HECTD2: variants seen among roughly 807,000 people sequenced by gnomAD.
HECTD2 encodes probable E3 ubiquitin-protein ligase HECTD2.
HECTD2 carries 35 observed loss-of-function variants against 103.2 expected under a neutral mutation model. That is an observed-to-expected ratio of 0.34 (90% confidence interval 0.26 to 0.45). The LOEUF (loss-of-function observed/expected upper bound fraction) is 0.45. Ranked by LOEUF, HECTD2 falls within the 20% of genes least tolerant of loss-of-function variation. HECTD2 has a pLI of 1.00. For synonymous variants in HECTD2, 281 were observed against 329.9 expected (o/e 0.85, Z 1.61); for missense variants, 596 against 937.4 (o/e 0.64, Z 4.76).
chr10:91,508,716 C>T (rs1847296815), intron 20 of HECTD2, among the ~76,000 whole-genome samples: 2 of 149,628 alleles, frequency 1.3e-5, no homozygotes, highest in South Asian at 2.1e-4. Context: ...GTCAGTGTGG[C>T]GATTCCTCAG....
intron 2 of HECTD2, among the ~76,000 whole-genome samples, chr10:91,431,572 T>C (rs1843872145): frequency 6.6e-6 from 1 of 152,050 alleles, no homozygotes; most frequent in African/African-American, 2.4e-5. Flanking sequence ...GGAGGCTTTG[T>C]TCATTTCTTT....
At chr10:91,454,711 G>T (rs11492696) in intron 2 of HECTD2, among the ~76,000 whole-genome samples, 15,397 of 151,606 alleles carry the variant, frequency 0.1, 998 homozygotes, top group East Asian at 0.16. Context: ...TAATGCTATC[G>T]CTCCCCCCTC....
At chr10:91,447,719 AG>A (rs1301311525) in intron 2 of HECTD2, among the ~76,000 whole-genome samples, 4,031 of 65,824 alleles carry the variant, frequency 0.061, 948 homozygotes, top group African/African-American at 0.22. Context: ...AGAAAAAAAA[AG>A]AAAAAAAAAA....
At chr10:91,476,738 A>G (rs1845915564) in intron 5 of HECTD2, among the ~76,000 whole-genome samples, 1 of 152,136 alleles carries the variant, frequency 6.6e-6, no homozygotes, top group South Asian at 2.1e-4. Flanking sequence ...AATGAGGGCA[A>G]AGGGCGAGAG....
At chr10:91,498,782 A>G (rs900173770) in intron 16 of HECTD2, 90 bp from the exon 17 acceptor site, 1 of 740,672 alleles carries the variant, frequency 1.4e-6, no homozygotes, top group East Asian at 2.6e-5. Context: ...GAAGGGGGAA[A>G]AAAACTGTTT....
intron 2 of HECTD2, among the ~76,000 whole-genome samples, chr10:91,431,145 G>A (rs531336925): frequency 4.2e-4 from 63 of 151,762 alleles, no homozygotes; most frequent in African/African-American, 1.5e-3. Context: ...AGGAAGCTTA[G>A]TTTGGCTGGA....
intron 1 of HECTD2, among the ~76,000 whole-genome samples, chr10:91,424,114 C>T (rs1172862639): frequency 6.6e-6 from 1 of 152,112 alleles, no homozygotes; most frequent in Non-Finnish European, 1.5e-5. Context: ...CTAACAGATG[C>T]TCTAACATGT....
intron 18 of HECTD2, among the ~76,000 whole-genome samples, chr10:91,500,267 G>GC (rs1292319410): frequency 6.6e-6 from 1 of 152,146 alleles, no homozygotes; most frequent in Non-Finnish European, 1.5e-5. Flanking sequence ...AAAGTAATTT[G>GC]CTTGTTTTTC....
chr10:91,513,370 T>TAA lies in HECTD2; in HGVS notation c.*988_*989dup, dbSNP rs1478564205. 1 of 152,612 alleles carries TAA rather than the reference T, an allele frequency of 6.6e-6. No individual in the cohort carries two copies. Among genetic ancestry groups the TAA allele is most frequent in the Non-Finnish European group, 1.5e-5 (1 of 68,022 alleles). The allele number at this position is 152,612 out of a possible 1,614,324, so 9.5% of individuals were successfully genotyped here. ...ACACTAATTTTTGAAAAAGATAGGT[T>TAA]AAAGTATTTGACAAAAGTGAATACA... On this transcript the variant is annotated 3_prime_UTR_variant, in exon 21 of 21. Transcript: ENST00000298068.
At chr10:91,467,764 C>T (rs1031653028) in intron 5 of HECTD2, among the ~76,000 whole-genome samples, 29 of 152,252 alleles carry the variant, frequency 1.9e-4, no homozygotes, top group African/African-American at 6.7e-4. Context: ...AGTATGTGTG[C>T]GTACCCCACC....
At chr10:91,496,444 T>C (rs552010853) in intron 15 of HECTD2, 72 bp downstream of exon 15, 2 of 999,830 alleles carry the variant, frequency 2.0e-6, no homozygotes, top group East Asian at 2.6e-5. Flanking sequence ...CAGTCTCTCC[T>C]CCTAATGCTA....
intron 20 of HECTD2, among the ~76,000 whole-genome samples, chr10:91,510,902 A>G (rs1589560176): frequency 1.3e-5 from 2 of 152,312 alleles, no homozygotes; most frequent in Non-Finnish European, 2.9e-5. Flanking sequence ...CCAGCTCTCT[A>G]TCCCTGAACA....
chr10:91,461,340 TA>T lies in HECTD2; in HGVS notation c.497del (p.Asn166MetfsTer25). 6.7e-7 allele frequency: 1 copy of T among 1,497,426 alleles called. No individual in the cohort carries two copies. The highest frequency in any genetic ancestry group is 9.1e-7 in the Non-Finnish European group (1 of 1,099,978). 92.8% of individuals were successfully genotyped at this position (1,497,426 alleles called of 1,614,324 possible). A position where few individuals can be genotyped will look rare whatever the true frequency, so the allele number is the denominator to read the frequency against. ...YLTTFDSFPE[L>X]NAAFKKDATA... ...ACAACGTTTGATTCTTTCCCAGAAT[TA>T]AATGCTGCATTTAAGGTAATTATAC... On this transcript the variant is annotated frameshift_variant, in exon 4 of 21. Coordinates refer to ENST00000298068, the MANE Select transcript of HECTD2 (RefSeq NM_182765.6). LOFTEE classifies it high-confidence loss of function.
intron 20 of HECTD2, among the ~76,000 whole-genome samples, chr10:91,502,737 A>ATAT (rs1846954044): frequency 6.6e-6 from 1 of 152,134 alleles, no homozygotes; most frequent in African/African-American, 2.4e-5. Context: ...ATTTTATTTT[A>ATAT]TATTAAAAAC....
intron 5 of HECTD2, among the ~76,000 whole-genome samples, chr10:91,466,590 A>G (rs911210533): frequency 1.2e-4 from 19 of 152,040 alleles, no homozygotes; most frequent in African/African-American, 4.3e-4. Flanking sequence ...ACAAATTTTG[A>G]TAGGTTGTAT....
At chr10:91,435,127 T>G (rs1178526981) in intron 2 of HECTD2, among the ~76,000 whole-genome samples, 1 of 151,870 alleles carries the variant, frequency 6.6e-6, no homozygotes, top group Admixed American at 6.6e-5. Flanking sequence ...ACCCAAGAAC[T>G]CAGCAATCAA....
intron 2 of HECTD2, among the ~76,000 whole-genome samples, chr10:91,439,727 T>A (rs544082607): frequency 1.3e-5 from 2 of 152,332 alleles, no homozygotes; most frequent in South Asian, 4.1e-4. Context: ...TGGAATGTTT[T>A]TCCCTTTGTT....
intron 20 of HECTD2, among the ~76,000 whole-genome samples, chr10:91,510,799 G>A (rs117761150): frequency 0.021 from 3,144 of 152,224 alleles, 34 homozygotes; most frequent in Non-Finnish European, 0.027. Context: ...TGTCTGGTGC[G>A]TAAAAAATTA....
intron 2 of HECTD2, among the ~76,000 whole-genome samples, chr10:91,441,906 TTCTTTTTTTTTTG>T (rs1844407342): frequency 1.6e-5 from 2 of 127,106 alleles, no homozygotes; most frequent in South Asian, 4.4e-4. Flanking sequence ...TTTTTTTTTT[TTCTTTTTTTTTTG>T]CTTTCCATTT....
Sources: gnomAD v4.1 joint callset for allele counts (sites outside exome capture counted in the v4.1 genomes callset) on GRCh38, gnomAD v4.1.1 for gene constraint, MANE v1.5 for transcripts, NCBI Gene and HGNC (gene_info 2026-07-23, HGNC 2026-07-21) for gene names.